The following EPS15 variants were observed in gnomAD, a reference collection of about 807,000 sequenced individuals.
EPS15 encodes the protein epidermal growth factor receptor pathway substrate 15.
A neutral mutation model predicts 113.8 loss-of-function variants in EPS15; 72 were observed. That is an observed-to-expected ratio of 0.63 (90% confidence interval 0.52 to 0.77). The LOEUF is 0.77. Among genes scored for constraint, EPS15 ranks in the 30% least tolerant of loss-of-function variants. The pLI is 0.00. For missense variants in EPS15, 1,048 were observed against 1,045.8 expected (o/e 1.00, Z -0.03); for synonymous variants, 344 against 363.4 (o/e 0.95, Z 0.61).
rs1325527473 is a variant in EPS15, at chr1:51,356,781, C to T, written c.2610G>A (p.Arg870=). ...KRESEREEEQ[R]LARLNQQEQE... ...GTTCCTGCTGATTTAGTCGGGCAAGCCTCTGCTCTTCCTCTCTCTCACTTT... is the reference window on the plus strand; with the variant it reads ...GTTCCTGCTGATTTAGTCGGGCAAGTCTCTGCTCTTCCTCTCTCTCACTTT... The change falls in exon 25 of 25, where the codon AGG becomes AGA. Residue 870 remains arginine, a synonymous_variant. Transcript: ENST00000371733. 11 of 1,613,788 alleles carry T rather than the reference C, an allele frequency of 6.8e-6. No homozygotes were observed. The highest frequency in any genetic ancestry group is 3.3e-4 in the Middle Eastern group (2 of 6,062).
chr1:51,457,087 C>T (rs560243672), intron 8 of EPS15, among the ~76,000 whole-genome samples: 219 of 152,114 alleles, frequency 1.4e-3, no homozygotes, highest in Non-Finnish European at 2.8e-3. Context: ...AGATCAAGAC[C>T]ATCCTGGCAA....
intron 18 of EPS15, among the ~76,000 whole-genome samples, chr1:51,401,797 G>A (rs1648580682): frequency 6.6e-6 from 1 of 152,142 alleles, no homozygotes; most frequent in South Asian, 2.1e-4. Flanking sequence ...TACATCAGGA[G>A]TTCAAGACCA....
intron 2 of EPS15, among the ~76,000 whole-genome samples, chr1:51,479,808 T>G (rs557121926): frequency 2.0e-5 from 3 of 152,330 alleles, no homozygotes; most frequent in Non-Finnish European, 4.4e-5. Context: ...ACTGACTTTA[T>G]GTGGCACGAA....
chr1:51,387,994 C>T (rs183061268), intron 21 of EPS15, among the ~76,000 whole-genome samples: 1 of 152,154 alleles, frequency 6.6e-6, no homozygotes, highest in Non-Finnish European at 1.5e-5. Context: ...CAGAACTCTC[C>T]ACCACAAATC....
At chr1:51,483,762 C>T (rs530643469) in intron 1 of EPS15, among the ~76,000 whole-genome samples, 3 of 150,008 alleles carry the variant, frequency 2.0e-5, no homozygotes, top group Admixed American at 6.6e-5. Flanking sequence ...GCTGAAATCA[C>T]GCCACTGCAC....
At chr1:51,508,266 G>GAGAGAGAA (rs1349614888) in intron 1 of EPS15, among the ~76,000 whole-genome samples, 1,644 of 128,556 alleles carry the variant, frequency 0.013, 35 homozygotes, top group Non-Finnish European at 0.016. Flanking sequence ...GAGAGAGAGA[G>GAGAGAGAA]AGAGAGAAAG....
At chr1:51,480,695 A>G (rs1286527742) in intron 2 of EPS15, among the ~76,000 whole-genome samples, 1 of 152,126 alleles carries the variant, frequency 6.6e-6, no homozygotes, top group Non-Finnish European at 1.5e-5. Flanking sequence ...GTATTTTAGT[A>G]GAGACAGGGT....
Position 51,354,286 on chromosome 1 carries a change from T to C in EPS15, c.*2414A>G, listed in dbSNP as rs138153744. ...AATAATAGTTTACATTTATTATTTA[T>C]TCTATACCAGGTGCTGTCCCAAACC... On this transcript the variant is annotated 3_prime_UTR_variant, in exon 25 of 25. Coordinates refer to ENST00000371733, the MANE Select transcript of EPS15 (RefSeq NM_001981.3). 1,108 of 176,894 alleles carry C rather than the reference T, an allele frequency of 6.3e-3. 7 individuals are homozygous for C. The highest frequency in any genetic ancestry group is 0.022 in the Middle Eastern group (10 of 454). The allele number at this position is 176,894 out of a possible 1,614,324, so 11.0% of individuals were successfully genotyped here.
intron 2 of EPS15, among the ~76,000 whole-genome samples, chr1:51,475,024 T>C (rs1426358203): frequency 1.3e-5 from 2 of 152,166 alleles, no homozygotes; most frequent in Admixed American, 6.6e-5. Flanking sequence ...TCCTTCTTTA[T>C]GGCTGCATAG....
chr1:51,516,595 A>G (rs1450674451), intron 1 of EPS15, among the ~76,000 whole-genome samples: 1 of 152,222 alleles, frequency 6.6e-6, no homozygotes, highest in African/African-American at 2.4e-5. Context: ...CAAGCTTGGA[A>G]AAAGGAAGGA....
At chr1:51,449,398 G>C (rs569737684) in intron 8 of EPS15, among the ~76,000 whole-genome samples, 1 of 152,082 alleles carries the variant, frequency 6.6e-6, no homozygotes, top group East Asian at 1.9e-4. Context: ...GGAGTAAATG[G>C]GGTCACAAAG....
At chr1:51,384,312 T>TC (rs1647011690) in intron 21 of EPS15, among the ~76,000 whole-genome samples, 1 of 147,352 alleles carries the variant, frequency 6.8e-6, no homozygotes, top group Non-Finnish European at 1.5e-5. Flanking sequence ...TTTTTTTTTT[T>TC]TTTTTTGAGA....
chr1:51,363,922 G>C lies in EPS15; in HGVS notation c.2303C>G (p.Pro768Arg). 6.2e-7 allele frequency: 1 copy of C among 1,613,800 alleles called. No individual in the cohort carries two copies. The highest frequency in any genetic ancestry group is 8.5e-7 in the Non-Finnish European group (1 of 1,179,822). ...TCCGATCTTTGGTGGCAGTGCTGGG[G>C]GTTCATCTTCACTTTTGACCGATGT... ...EETSVKSEDE[P>R]PALPPKIGTP... Residue 768 changes from proline to arginine, a missense_variant, in exon 23 of 25, where the codon CCC becomes CGC. Physicochemically the swap from Pro to Arg is moderately radical, Grantham distance 103. Coordinates refer to ENST00000371733, the MANE Select transcript of EPS15 (RefSeq NM_001981.3).
At chr1:51,507,779 T>C (rs72674560) in intron 1 of EPS15, among the ~76,000 whole-genome samples, 3,239 of 152,114 alleles carry the variant, frequency 0.021, 54 homozygotes, top group Non-Finnish European at 0.031. Context: ...AAAGAAACGA[T>C]GTAAAAGACT....
intron 13 of EPS15, among the ~76,000 whole-genome samples, chr1:51,410,220 C>T (rs1649573053): frequency 6.6e-6 from 1 of 150,470 alleles, no homozygotes; most frequent in South Asian, 2.1e-4. Context: ...AAGAGTGAAA[C>T]TCCATCTCAA....
chr1:51,356,454 G>A lies in EPS15; in HGVS notation c.*246C>T. 2.5e-6 allele frequency: 1 copy of A among 399,584 alleles called. No homozygotes were observed. Among genetic ancestry groups the A allele is most frequent in the Non-Finnish European group, 4.4e-6 (1 of 224,790 alleles). The allele number at this position is 399,584 out of a possible 1,614,324, so 24.8% of individuals were successfully genotyped here. A position where few individuals can be genotyped will look rare whatever the true frequency, so the allele number is the denominator to read the frequency against. On this transcript the variant is annotated 3_prime_UTR_variant, in exon 25 of 25. Transcript: ENST00000371733. Reference sequence around the variant, plus strand: ...AGGCAGGCAAAAGCTCACAGTAAATGTATACCAGAACAGGGGCCTAAGTGA... The same window carrying A: ...AGGCAGGCAAAAGCTCACAGTAAATATATACCAGAACAGGGGCCTAAGTGA...
chr1:51,469,938 CT>C (rs777526839), intron 4 of EPS15, among the ~76,000 whole-genome samples: 1 of 151,976 alleles, frequency 6.6e-6, no homozygotes, highest in Non-Finnish European at 1.5e-5. Flanking sequence ...GGAAGCTCTC[CT>C]CCACCAAACA....
intron 1 of EPS15, among the ~76,000 whole-genome samples, chr1:51,513,228 A>T (rs1160121626): frequency 1.3e-5 from 2 of 152,216 alleles, no homozygotes; most frequent in Non-Finnish European, 2.9e-5. Flanking sequence ...GCACAAAAAC[A>T]TGTAAAAGAG....
At chr1:51,501,503 C>T (rs1326970008) in intron 1 of EPS15, among the ~76,000 whole-genome samples, 2 of 151,576 alleles carry the variant, frequency 1.3e-5, no homozygotes, top group African/African-American at 2.4e-5. Flanking sequence ...TTTCTTGAGA[C>T]GAGTCTTGCT....
Sources: gnomAD v4.1 joint callset for allele counts (sites outside exome capture counted in the v4.1 genomes callset) on GRCh38, gnomAD v4.1.1 for gene constraint, MANE v1.5 for transcripts, NCBI Gene and HGNC (gene_info 2026-07-23, HGNC 2026-07-21) for gene names.